The following ARHGAP32 variants were observed in gnomAD, a reference collection of about 807,000 sequenced individuals.
The protein encoded by ARHGAP32 is rho GTPase-activating protein 32.
ARHGAP32 carries 51 observed loss-of-function variants against 186.5 expected under a neutral mutation model. The observed-to-expected ratio is 0.27, with a 90% CI of 0.22 to 0.35. The LOEUF is 0.35. ARHGAP32 is among the 10% of genes least tolerant of loss of function. The pLI is 1.00. For synonymous variants in ARHGAP32, 950 were observed against 964.3 expected (o/e 0.99, Z 0.27); for missense variants, 2,186 against 2,623.5 (o/e 0.83, Z 3.64).
intron 2 of ARHGAP32, among the ~76,000 whole-genome samples, chr11:129,162,038 A>G (rs1001131138): frequency 2.6e-5 from 4 of 152,122 alleles, no homozygotes; most frequent in Non-Finnish European, 4.4e-5. Flanking sequence ...CAGCAAACTA[A>G]CACAGGAACA....
At chr11:129,196,184 T>C (rs889147786), upstream of ARHGAP32, among the ~76,000 whole-genome samples, 5 of 152,204 alleles carry the variant, frequency 3.3e-5, no homozygotes, top group Non-Finnish European at 7.4e-5. Context: ...AGAGAAACAT[T>C]GTTAAAAGTG....
At chr11:129,193,535 T>TATA (rs1944312667), upstream of ARHGAP32, among the ~76,000 whole-genome samples, 2 of 35,920 alleles carry the variant, frequency 5.6e-5, no homozygotes, top group Admixed American at 9.6e-4. Context: ...GCATATAATA[T>TATA]ATATATTATA....
intron 1 of ARHGAP32, among the ~76,000 whole-genome samples, chr11:129,259,063 A>G (rs1945290424): frequency 6.6e-6 from 1 of 152,228 alleles, no homozygotes; most frequent in Admixed American, 6.5e-5. Flanking sequence ...ATATGAAATA[A>G]TACGCACAAA....
chr11:129,012,855 A>G (rs1398939747), intron 11 of ARHGAP32, among the ~76,000 whole-genome samples: 1 of 152,226 alleles, frequency 6.6e-6, no homozygotes, highest in Non-Finnish European at 1.5e-5. Flanking sequence ...TAGCAATTTT[A>G]TAACTGGAAT....
At chr11:129,251,799 C>T (rs1165835527) in intron 1 of ARHGAP32, among the ~76,000 whole-genome samples, 1 of 150,740 alleles carries the variant, frequency 6.6e-6, no homozygotes, top group Non-Finnish European at 1.5e-5. Flanking sequence ...CTGGGTGTGG[C>T]GAGGTGTGCC....
intron 1 of ARHGAP32, among the ~76,000 whole-genome samples, chr11:129,179,642 T>C (rs2135528268): frequency 6.6e-6 from 1 of 152,032 alleles, no homozygotes; most frequent in South Asian, 2.1e-4. Context: ...ATGTCCTTTG[T>C]AGGGACATGG....
chr11:129,212,155 A>G (rs1944589172), intron 1 of ARHGAP32, among the ~76,000 whole-genome samples: 1 of 152,148 alleles, frequency 6.6e-6, no homozygotes, highest in South Asian at 2.1e-4. Flanking sequence ...ACCCTGTCTC[A>G]AAATATGAAA....
At chr11:129,153,038 G>C (rs915000011) in intron 2 of ARHGAP32, among the ~76,000 whole-genome samples, 3 of 151,986 alleles carry the variant, frequency 2.0e-5, no homozygotes, top group Non-Finnish European at 4.4e-5. Flanking sequence ...ATTCAGTAAA[G>C]TTTCAGAAAA....
chr11:129,166,573 G>C (rs1164096893), intron 1 of ARHGAP32, among the ~76,000 whole-genome samples: 1 of 151,604 alleles, frequency 6.6e-6, no homozygotes, highest in Non-Finnish European at 1.5e-5. Context: ...CATTTCAATG[G>C]AAAAGAGAAA....
intron 1 of ARHGAP32, among the ~76,000 whole-genome samples, chr11:129,226,643 C>T (rs1944786900): frequency 6.6e-6 from 1 of 152,110 alleles, no homozygotes; most frequent in African/African-American, 2.4e-5. Flanking sequence ...AGAAGTAAAT[C>T]CTATCTTATC....
chr11:128,970,671 G>A lies in ARHGAP32; in HGVS notation c.4542C>T (p.Cys1514=). 6.2e-7 allele frequency: 1 copy of A among 1,614,158 alleles called. No homozygotes were observed. The highest frequency in any genetic ancestry group is 8.5e-7 in the Non-Finnish European group (1 of 1,180,022). Residue 1514 remains cysteine, a synonymous_variant, in exon 23 of 23, where the codon TGC becomes TGT. Coordinates refer to ENST00000682385, the MANE Select transcript of ARHGAP32 (RefSeq NM_001378024.1). This position sits in a 1 kb window ranked among gnomAD's most constrained non-coding sequence, Gnocchi z 5.8. ...NCLHFNMTPN[C]QYRPQSVPPH... ...GAGGTACACTCTGGGGACGGTACTG[G>A]CAGTTTGGAGTCATATTGAAATGCA...
At position 128,968,748 on chromosome 11, in the gene ARHGAP32, G is replaced by T; in HGVS notation, c.*159C>A. The T allele has an allele frequency of 1.8e-6, 1 of 549,338 alleles. No homozygotes were observed. Among genetic ancestry groups the T allele is most frequent in the Non-Finnish European group, 2.8e-6 (1 of 354,620 alleles). 34.0% of individuals were successfully genotyped at this position (549,338 alleles called of 1,614,324 possible). A position where few individuals can be genotyped will look rare whatever the true frequency, so the allele number is the denominator to read the frequency against. On this transcript the variant is annotated 3_prime_UTR_variant, in exon 23 of 23. Transcript: ENST00000682385. ...GATGGAAGAGGGGGTAATGAAGCAGGGAAGGGGAAAAAGATGCTGATTTGT... is the reference window on the plus strand; with the variant it reads ...GATGGAAGAGGGGGTAATGAAGCAGTGAAGGGGAAAAAGATGCTGATTTGT...
At chr11:129,193,575 T>TATATATTATATATA (rs1565464566), upstream of ARHGAP32, among the ~76,000 whole-genome samples, 1 of 54,036 alleles carries the variant, frequency 1.9e-5, no homozygotes, top group Non-Finnish European at 3.3e-5. Context: ...ATATAATATA[T>TATATATTATATATA]ATATATTATA....
intron 2 of ARHGAP32, among the ~76,000 whole-genome samples, chr11:129,161,354 T>C (rs1432215633): frequency 6.6e-6 from 1 of 151,852 alleles, no homozygotes; most frequent in Non-Finnish European, 1.5e-5. Flanking sequence ...GAAACTATCA[T>C]CAGAGTGAAC....
At position 129,201,640 on chromosome 11, in the gene ARHGAP32, C is replaced by T. The variant is rs193250146; in HGVS notation, c.-4-37213G>A. The stretch of plus-strand genomic sequence containing the variant: ...TGATTTTTCTAGTAAAAGTAAACAG[C>T]CACTAAAATACAACATTTACATGTA... On this transcript the variant is annotated intron_variant, in intron 1 of 6. Coordinates refer to the ARHGAP32 transcript ENST00000525234. Among the ~76,000 whole-genome samples, 223 of 152,046 alleles carry T rather than the reference C, an allele frequency of 1.5e-3. 1 individual carries two copies. The highest frequency in any genetic ancestry group is 5.0e-3 in the African/African-American group (206 of 41,472).
At chr11:129,211,499 A>C (rs1944582097) in intron 1 of ARHGAP32, among the ~76,000 whole-genome samples, 1 of 152,224 alleles carries the variant, frequency 6.6e-6, no homozygotes, top group South Asian at 2.1e-4. Context: ...ACAATAGAAC[A>C]GTTATTCATT....
In ARHGAP32 at chr11:128,965,532, T is replaced by C. The variant is rs1945203908; in HGVS notation, c.*3375A>G. ...ATTCTTTGAACATTAACAGTACTAA[T>C]CAGATAAGGAAAAAAGACCCTCTGT... On this transcript the variant is annotated 3_prime_UTR_variant, in exon 23 of 23. Coordinates refer to ENST00000682385, the MANE Select transcript of ARHGAP32 (RefSeq NM_001378024.1). 1 of 152,166 alleles carries C rather than the reference T, an allele frequency of 6.6e-6. No homozygotes were observed. The highest frequency in any genetic ancestry group is 2.4e-5 in the African/African-American group (1 of 41,438). The allele number at this position is 152,166 out of a possible 1,614,324, so 9.4% of individuals were successfully genotyped here. A position where few individuals can be genotyped will look rare whatever the true frequency, so the allele number is the denominator to read the frequency against.
At chr11:129,053,712 C>T (rs1042942865) in intron 10 of ARHGAP32, among the ~76,000 whole-genome samples, 4 of 152,102 alleles carry the variant, frequency 2.6e-5, no homozygotes, top group African/African-American at 7.2e-5. Flanking sequence ...GTAAGCACTT[C>T]GAAAAGCACA....
chr11:129,019,159 T>C (rs917056346), intron 11 of ARHGAP32, among the ~76,000 whole-genome samples: 13 of 152,334 alleles, frequency 8.5e-5, no homozygotes, highest in South Asian at 6.2e-4. Flanking sequence ...TTCTGGTCTG[T>C]TTTGTGATAG....
Sources: gnomAD v4.1 joint callset for allele counts (sites outside exome capture counted in the v4.1 genomes callset) on GRCh38, gnomAD v4.1.1 for gene constraint, Gnocchi (gnomAD v3.1) non-coding constraint, MANE v1.5 for transcripts, NCBI Gene and HGNC (gene_info 2026-07-23, HGNC 2026-07-21) for gene names.